The following CLVS1 variants were observed in gnomAD, a reference collection of about 807,000 sequenced individuals.
CLVS1 encodes the protein clavesin 1, also known as clavesin-1.
CLVS1 carries 10 observed loss-of-function variants against 33.1 expected under a neutral mutation model. That is an observed-to-expected ratio of 0.30 (90% CI 0.19 to 0.51). CLVS1 has a LOEUF of 0.51. Among genes scored for constraint, CLVS1 ranks in the 20% least tolerant of loss-of-function variants. The pLI is 0.97. For synonymous variants in CLVS1, 163 were observed against 166.1 expected (o/e 0.98, Z 0.14); for missense variants, 343 against 433.4 (o/e 0.79, Z 1.85).
chr8:60,967,599 C>G, the CLVS1 span: 6 of 455,606 alleles, frequency 1.3e-5, no homozygotes, highest in Non-Finnish European at 2.2e-5. Context: ...CATTCAGCTT[C>G]TGGGAACCAT....
At chr8:61,025,725 G>C in the CLVS1 span, among the ~76,000 whole-genome samples, 2 of 151,762 alleles carry the variant, frequency 1.3e-5, no homozygotes, top group African/African-American at 4.8e-5. Flanking sequence ...TTCTTGTCAG[G>C]GTTTGCAAGC....
upstream of CLVS1, among the ~76,000 whole-genome samples, chr8:61,286,403 A>G (rs1313550295): frequency 6.6e-6 from 1 of 152,184 alleles, no homozygotes; most frequent in Admixed American, 6.5e-5. Flanking sequence ...TACCACCCAT[A>G]TATCACACCC....
chr8:61,107,987 G>A (rs559058518), intron 1 of CLVS1, among the ~76,000 whole-genome samples: 1 of 152,200 alleles, frequency 6.6e-6, no homozygotes, highest in East Asian at 1.9e-4. Flanking sequence ...CATAAAAATA[G>A]CCAGGCACAG....
chr8:61,169,399 C>A (rs1251634387), intron 2 of CLVS1, among the ~76,000 whole-genome samples: 4 of 152,144 alleles, frequency 2.6e-5, no homozygotes, highest in African/African-American at 9.7e-5. Context: ...ATACAGCTGT[C>A]TTAAAAGCCC....
At chr8:61,337,664 AT>A (rs1161798523) in intron 2 of CLVS1, among the ~76,000 whole-genome samples, 1 of 152,216 alleles carries the variant, frequency 6.6e-6, no homozygotes, top group Non-Finnish European at 1.5e-5. Context: ...CCATACAACC[AT>A]TTAATCTGCA....
At chr8:61,171,998 C>T (rs1807010914) in intron 2 of CLVS1, among the ~76,000 whole-genome samples, 1 of 152,138 alleles carries the variant, frequency 6.6e-6, no homozygotes, top group South Asian at 2.1e-4. Context: ...AGCGAATCCT[C>T]AGAGAATGAA....
chr8:61,402,011 G>A (rs1814784014), intron 3 of CLVS1, among the ~76,000 whole-genome samples: 1 of 152,004 alleles, frequency 6.6e-6, no homozygotes, highest in African/African-American at 2.4e-5. Context: ...ATTTCTTATA[G>A]GCAAGGGCCT....
chr8:60,999,481 TA>T, the CLVS1 span, among the ~76,000 whole-genome samples: 1 of 152,176 alleles, frequency 6.6e-6, no homozygotes, highest in Non-Finnish European at 1.5e-5. Context: ...TAAAGAGATT[TA>T]CCATCTGTAA....
intron 2 of CLVS1, among the ~76,000 whole-genome samples, chr8:61,204,801 C>T (rs931304930): frequency 4.6e-5 from 7 of 152,174 alleles, no homozygotes; most frequent in African/African-American, 1.4e-4. Context: ...TTGCTTTCTT[C>T]AAGAGCTTTT....
the CLVS1 span, among the ~76,000 whole-genome samples, chr8:60,971,347 G>A: frequency 2.9e-4 from 44 of 152,262 alleles, no homozygotes; most frequent in African/African-American, 9.4e-4. Flanking sequence ...CCGAAGTGCT[G>A]GGATTACAGA....
chr8:60,990,412 A>G, the CLVS1 span, among the ~76,000 whole-genome samples: 1 of 152,192 alleles, frequency 6.6e-6, no homozygotes, highest in South Asian at 2.1e-4. Flanking sequence ...GTATTTACAG[A>G]TAAAATGACA....
intron 1 of CLVS1, among the ~76,000 whole-genome samples, chr8:61,099,862 T>C (rs1038665453): frequency 1.3e-5 from 2 of 152,206 alleles, no homozygotes; most frequent in African/African-American, 2.4e-5. Flanking sequence ...GTAATCTGTT[T>C]AGAAATACAG....
chr8:61,490,915 C>T (rs1181061152), intron 5 of CLVS1, among the ~76,000 whole-genome samples: 5 of 150,126 alleles, frequency 3.3e-5, no homozygotes, highest in South Asian at 2.1e-4. Flanking sequence ...GAGCCGAGAT[C>T]GCACCACTGC....
At chr8:61,393,923 T>C (rs968785418) in intron 3 of CLVS1, among the ~76,000 whole-genome samples, 3 of 152,350 alleles carry the variant, frequency 2.0e-5, no homozygotes, top group Admixed American at 6.5e-5. Flanking sequence ...TCAGAACCTC[T>C]GGTTAGCCAG....
rs145100624 is a variant in CLVS1 at position 61,259,192 on chromosome 8, G to C, written c.-151-40485G>C. ...CACATCTAAAAAATGAAATACAATA[G>C]CTAGTGCTTAGATACTTGGAAAGTC... is the stretch of plus-strand genomic sequence containing the variant. On this transcript the variant is annotated intron_variant, in intron 2 of 2. Transcript: ENST00000522621. Among the ~76,000 whole-genome samples the C allele has an allele frequency of 4.1e-3, 627 of 152,308 alleles. 10 individuals are homozygous for C. The highest frequency in any genetic ancestry group is 0.024 in the Admixed American group (371 of 15,298).
At chr8:61,451,123 A>G (rs1042927192) in intron 3 of CLVS1, among the ~76,000 whole-genome samples, 2 of 152,190 alleles carry the variant, frequency 1.3e-5, no homozygotes, top group African/African-American at 4.8e-5. Flanking sequence ...CAAGCAAGAC[A>G]TTTAATGTTA....
rs528149781 is a variant in CLVS1, at chr8:61,218,497, G to A, written c.-151-81180G>A. On this transcript the variant is annotated intron_variant, in intron 2 of 2. Coordinates refer to the CLVS1 transcript ENST00000522621. Reference sequence around the variant, plus strand: ...AGTAGAACAGAATATACTAGAGGCTGGGAAGGATAGGAGGAAAGGAGAGGA... The same window carrying A: ...AGTAGAACAGAATATACTAGAGGCTAGGAAGGATAGGAGGAAAGGAGAGGA... Among the ~76,000 whole-genome samples, 5 of 151,946 alleles carry A rather than the reference G, an allele frequency of 3.3e-5. No individual in the cohort carries two copies. In the South Asian group the frequency reaches 1.0e-3, roughly 32 times the overall value.
upstream of CLVS1, among the ~76,000 whole-genome samples, chr8:61,283,345 CT>C (rs1809713048): frequency 6.6e-6 from 1 of 152,272 alleles, no homozygotes; most frequent in Admixed American, 6.5e-5. Context: ...TGCAATTGTC[CT>C]CTGGGATGAG....
chr8:61,490,656 C>A (rs866517757), intron 5 of CLVS1, among the ~76,000 whole-genome samples: 244 of 112,970 alleles, frequency 2.2e-3, no homozygotes, highest in East Asian at 2.2e-3. Flanking sequence ...AGATCCGTCT[C>A]AAAAAAAAAA....
Sources: allele counts gnomAD v4.1 joint callset (sites outside exome capture counted in the v4.1 genomes callset), GRCh38; gene constraint gnomAD v4.1.1; transcripts MANE v1.5; gene names NCBI Gene and HGNC (gene_info 2026-07-23, HGNC 2026-07-21).